ASAP1: variants seen among roughly 807,000 people sequenced by gnomAD.
The protein encoded by ASAP1 is ArfGAP with SH3 domain, ankyrin repeat and PH domain 1, also known as arf-GAP with SH3 domain, ANK repeat and PH domain-containing protein 1.
A neutral mutation model predicts 145.2 loss-of-function variants in ASAP1; 43 were observed. That is an observed-to-expected ratio of 0.30 (90% CI 0.23 to 0.38). The LOEUF (loss-of-function observed/expected upper bound fraction) is 0.38. Ranked by LOEUF, ASAP1 falls within the 10% of genes least tolerant of loss-of-function variation. The probability of loss-of-function intolerance (pLI) is 1.00; values close to 1 mark genes in which losing one functional copy is unlikely to be tolerated. For missense variants in ASAP1, 1,018 were observed against 1,355.3 expected, an observed-to-expected ratio of 0.75 and a Z score of 3.91; for synonymous variants, 546 against 515.5, an observed-to-expected ratio of 1.06 and a Z score of -0.80.
chr8:130,207,702 T>C (rs1490530530), intron 5 of ASAP1, among the ~76,000 whole-genome samples: 4 of 152,158 alleles, frequency 2.6e-5, no homozygotes, highest in Admixed American at 2.0e-4. Flanking sequence ...GCCACAAATA[T>C]AGTAAAAACA....
chr8:130,140,204 AT>A (rs566444299), intron 13 of ASAP1, among the ~76,000 whole-genome samples: 3 of 148,762 alleles, frequency 2.0e-5, no homozygotes, highest in Non-Finnish European at 4.5e-5. Context: ...GGTTATTACT[AT>A]TTTTTTTTGG....
At chr8:130,414,742 T>C (rs1325004079) in intron 1 of ASAP1, among the ~76,000 whole-genome samples, 1 of 152,084 alleles carries the variant, frequency 6.6e-6, no homozygotes, top group Non-Finnish European at 1.5e-5. Flanking sequence ...GAATATTGTT[T>C]GTTCACTTCT....
chr8:130,399,814 CTTTTT>C (rs66587581), intron 2 of ASAP1, among the ~76,000 whole-genome samples: 1 of 124,584 alleles, frequency 8.0e-6, no homozygotes. Context: ...AAGTCAGTGT[CTTTTT>C]TTTTTTTTTT....
chr8:130,136,876 T>C, intron 14 of ASAP1, 75 bp downstream of exon 14: 2 of 1,272,726 alleles, frequency 1.6e-6, no homozygotes, highest in Non-Finnish European at 2.3e-6. Flanking sequence ...TTGGAAAAGC[T>C]GCTGACCTGG....
intron 5 of ASAP1, among the ~76,000 whole-genome samples, chr8:130,208,347 C>T (rs981565380): frequency 1.3e-5 from 2 of 152,138 alleles, no homozygotes; most frequent in Admixed American, 1.3e-4. Flanking sequence ...TAGATAACTA[C>T]AACAATCACC....
intron 4 of ASAP1, among the ~76,000 whole-genome samples, chr8:130,225,690 T>C (rs998307432): frequency 6.6e-6 from 1 of 152,146 alleles, no homozygotes; most frequent in African/African-American, 2.4e-5. Context: ...AAATGAATAG[T>C]TGTTTAACAA....
intron 3 of ASAP1, among the ~76,000 whole-genome samples, chr8:130,276,728 A>ACACATACACT (rs548512902): frequency 1.1e-5 from 1 of 87,272 alleles, no homozygotes; most frequent in Non-Finnish European, 2.2e-5. Context: ...ACACACACAC[A>ACACATACACT]CTCTCTCTCT....
chr8:130,362,166 C>A (rs570968610), intron 2 of ASAP1, among the ~76,000 whole-genome samples: 22 of 152,300 alleles, frequency 1.4e-4, no homozygotes, highest in Admixed American at 4.6e-4. Flanking sequence ...TTGCAGACCT[C>A]ACTCTCATCC....
At chr8:130,416,168 C>T (rs1432248028) in intron 1 of ASAP1, among the ~76,000 whole-genome samples, 1 of 152,158 alleles carries the variant, frequency 6.6e-6, no homozygotes, top group Non-Finnish European at 1.5e-5. Context: ...CGCCACTCCC[C>T]GCCCCACTAG....
chr8:130,138,583 TC>T (rs1417507135), intron 13 of ASAP1, among the ~76,000 whole-genome samples: 1 of 152,122 alleles, frequency 6.6e-6, no homozygotes. Flanking sequence ...ATGCCTGTAA[TC>T]CCAGCACTTT....
intron 15 of ASAP1, among the ~76,000 whole-genome samples, chr8:130,133,695 A>C (rs1458947812): frequency 5.3e-5 from 8 of 151,704 alleles, no homozygotes; most frequent in Admixed American, 1.3e-4. Context: ...AAACAAAAAA[A>C]AAAACAAAAA....
intron 11 of ASAP1, among the ~76,000 whole-genome samples, chr8:130,164,355 C>A (rs146509862): frequency 2.0e-5 from 3 of 152,158 alleles, no homozygotes; most frequent in Non-Finnish European, 2.9e-5. Flanking sequence ...GAGGCTGAGG[C>A]GGGCAGATCA....
chr8:130,115,741 AG>A lies in ASAP1; in HGVS notation c.2065-7del. On this transcript the variant is annotated splice_polypyrimidine_tract_variant and splice_region_variant and intron_variant, in intron 22 of 29. Coordinates refer to ENST00000518721, the MANE Select transcript of ASAP1 (RefSeq NM_018482.4). ...CCAGATTTAGCCTGGGAAAGCTGGA[AG>A]GAACAGCAAATGTGCACCATTTTAA... 1.3e-6 allele frequency: 2 copies of A among 1,597,244 alleles called. No individual in the cohort carries two copies.
At chr8:130,139,028 C>T (rs1354157796) in intron 13 of ASAP1, among the ~76,000 whole-genome samples, 1 of 152,058 alleles carries the variant, frequency 6.6e-6, no homozygotes, top group East Asian at 1.9e-4. Context: ...CATATGACCA[C>T]CTGAAAAGGC....
At chr8:130,180,706 C>T (rs1272444646) in intron 8 of ASAP1, 45 bp downstream of exon 8, 2 of 1,586,662 alleles carry the variant, frequency 1.3e-6, no homozygotes, top group East Asian at 4.5e-5. Flanking sequence ...GAAAAGATCA[C>T]AGTTGTTATA....
intron 24 of ASAP1, among the ~76,000 whole-genome samples, chr8:130,109,463 T>TCAA (rs2097543183): frequency 6.7e-6 from 1 of 148,374 alleles, no homozygotes; most frequent in East Asian, 1.9e-4. Context: ...CTCAAGTGTC[T>TCAA]GTTTCTGTCT....
intron 4 of ASAP1, among the ~76,000 whole-genome samples, chr8:130,222,549 C>T (rs555264958): frequency 1.0e-3 from 153 of 152,292 alleles, no homozygotes; most frequent in South Asian, 2.5e-3. Context: ...TCAGGAAAGA[C>T]TATCGTGGAT....
chr8:130,189,760 T>A (rs1815007999), intron 5 of ASAP1, among the ~76,000 whole-genome samples: 2 of 152,222 alleles, frequency 1.3e-5, no homozygotes. Context: ...TGTACTAATT[T>A]ATATTACCAC....
At chr8:130,336,061 C>G (rs76769954) in intron 3 of ASAP1, among the ~76,000 whole-genome samples, 2 of 22,788 alleles carry the variant, frequency 8.8e-5, no homozygotes, top group African/African-American at 6.4e-4. Context: ...ACTCCAAACT[C>G]TGTCTCATCA....
Sources: gnomAD v4.1 joint callset for allele counts (sites outside exome capture counted in the v4.1 genomes callset) on GRCh38, gnomAD v4.1.1 for gene constraint, MANE v1.5 for transcripts, NCBI Gene and HGNC (gene_info 2026-07-23, HGNC 2026-07-21) for gene names.